The following CSMD1 variants were observed in gnomAD, a reference collection of about 807,000 sequenced individuals.
CSMD1 encodes CUB and Sushi multiple domains 1, also known as CUB and sushi domain-containing protein 1.
In CSMD1, 213 loss-of-function variants were observed where a neutral mutation model predicts 417.5. That is an observed-to-expected ratio of 0.51 (90% CI 0.46 to 0.57). The LOEUF (loss-of-function observed/expected upper bound fraction) is 0.57. Ranked by LOEUF, CSMD1 falls within the 20% of genes least tolerant of loss-of-function variation. CSMD1 has a pLI of 0.00. For missense variants in CSMD1, 6,923 were observed against 4,529.7 expected (o/e 1.53, Z -15.17); for synonymous variants, 2,862 against 1,736.8 (o/e 1.65, Z -16.11).
chr8:3,522,890 C>T (rs1334647094), intron 10 of CSMD1, among the ~76,000 whole-genome samples: 1 of 149,328 alleles, frequency 6.7e-6, no homozygotes, highest in African/African-American at 2.5e-5. Context: ...TATTACCTTT[C>T]AATATATTTA....
At chr8:3,697,262 T>C (rs761250382) in intron 7 of CSMD1, among the ~76,000 whole-genome samples, 102 of 152,332 alleles carry the variant, frequency 6.7e-4, no homozygotes, top group Middle Eastern at 6.8e-3. Flanking sequence ...TGTAATTCTG[T>C]AAGCACTCTA....
chr8:3,689,307 C>G (rs1800112238), intron 7 of CSMD1, among the ~76,000 whole-genome samples: 1 of 152,164 alleles, frequency 6.6e-6, no homozygotes, highest in African/African-American at 2.4e-5. Context: ...TTGGACTAAG[C>G]CATCTCCAGA....
intron 5 of CSMD1, among the ~76,000 whole-genome samples, chr8:3,851,995 G>C (rs1182118281): frequency 6.6e-6 from 1 of 152,152 alleles, no homozygotes; most frequent in Non-Finnish European, 1.5e-5. Flanking sequence ...TGAGAGCATG[G>C]AGGGGCTGCA....
At chr8:3,619,059 C>T (rs1313822348) in intron 7 of CSMD1, among the ~76,000 whole-genome samples, 1 of 151,888 alleles carries the variant, frequency 6.6e-6, no homozygotes, top group African/African-American at 2.4e-5. Flanking sequence ...AGCAAGATTG[C>T]AAACCCATGG....
intron 3 of CSMD1, among the ~76,000 whole-genome samples, chr8:4,194,989 T>C (rs1322159816): frequency 1.3e-5 from 2 of 151,808 alleles, no homozygotes; most frequent in African/African-American, 2.4e-5. Context: ...CTTTCTTTCA[T>C]CTGGGAATTT....
At position 3,702,457 on chromosome 8, in the gene CSMD1, G is replaced by C. The variant is rs74644247; in HGVS notation, c.1009+5957C>G. Among the ~76,000 whole-genome samples, 1,086 of 152,302 alleles carry C rather than the reference G, an allele frequency of 7.1e-3. 33 individuals are homozygous for C. In the East Asian group the frequency reaches 0.11, roughly 15 times the overall value. ...TCTACTTTAGTAATCCTCACATTGA[G>C]AGCTGCTAAAACTGGTTTCTGCCAA... On this transcript the variant is annotated intron_variant, in intron 7 of 69. Coordinates refer to ENST00000635120, the MANE Select transcript of CSMD1 (RefSeq NM_033225.6).
intron 14 of CSMD1, among the ~76,000 whole-genome samples, chr8:3,407,609 G>C (rs897468054): frequency 6.6e-6 from 1 of 152,112 alleles, no homozygotes; most frequent in Non-Finnish European, 1.5e-5. Context: ...ATGGATGAAT[G>C]GATGGATGGA....
intron 3 of CSMD1, among the ~76,000 whole-genome samples, chr8:4,115,179 C>T (rs773523110): frequency 1.3e-5 from 2 of 152,164 alleles, no homozygotes; most frequent in Non-Finnish European, 2.9e-5. Flanking sequence ...TCACAGCTAC[C>T]CCAGCCTTCA....
chr8:4,481,531 G>C (rs1224130633), intron 2 of CSMD1, among the ~76,000 whole-genome samples: 1 of 152,130 alleles, frequency 6.6e-6, no homozygotes, highest in Non-Finnish European at 1.5e-5. Flanking sequence ...TAAAGATAGA[G>C]AAGGAATTAA....
At chr8:3,625,046 A>T (rs1333807791) in intron 7 of CSMD1, among the ~76,000 whole-genome samples, 1 of 151,316 alleles carries the variant, frequency 6.6e-6, no homozygotes, top group Non-Finnish European at 1.5e-5. Context: ...ACAGCATCCT[A>T]CGAGACATTT....
rs528407977 is a variant in CSMD1, at chr8:3,189,887, G to A, written c.5398+25C>T. The stretch of plus-strand genomic sequence containing the variant: ...TGGCACCACCACAGAGTTCTGGCGG[G>A]CAGCCGCTTAGGGACACTGCTCACC... On this transcript the variant is annotated intron_variant, in intron 34 of 69. Transcript: ENST00000635120. The A allele has an allele frequency of 4.5e-6, 7 of 1,546,602 alleles. No individual in the cohort carries two copies. In the African/African-American group the frequency reaches 5.5e-5, roughly 12 times the overall value.
chr8:3,889,613 T>C (rs1324043523), intron 5 of CSMD1, among the ~76,000 whole-genome samples: 1 of 150,626 alleles, frequency 6.6e-6, no homozygotes, highest in Non-Finnish European at 1.5e-5. Flanking sequence ...ATAAGTTCAC[T>C]CAGCTGACAG....
intron 1 of CSMD1, among the ~76,000 whole-genome samples, chr8:4,937,630 G>A (rs74512994): frequency 2.0e-5 from 3 of 152,170 alleles, no homozygotes; most frequent in Non-Finnish European, 2.9e-5. Flanking sequence ...GTATCTGACG[G>A]AGGCATCAAA....
chr8:3,322,126 A>G (rs1357569713), intron 23 of CSMD1, among the ~76,000 whole-genome samples: 3 of 152,210 alleles, frequency 2.0e-5, no homozygotes, highest in Admixed American at 6.5e-5. Flanking sequence ...AATACCAAAT[A>G]CTGTTATTTT....
intron 3 of CSMD1, among the ~76,000 whole-genome samples, chr8:4,285,713 C>T (rs1012816699): frequency 2.0e-5 from 3 of 152,242 alleles, no homozygotes; most frequent in Non-Finnish European, 4.4e-5. Flanking sequence ...GTAAAACAGT[C>T]AGGGCCACAG....
chr8:4,131,671 G>A (rs1803112312), intron 3 of CSMD1, among the ~76,000 whole-genome samples: 1 of 150,210 alleles, frequency 6.7e-6, no homozygotes, highest in Admixed American at 6.7e-5. Flanking sequence ...ATGTTAGATA[G>A]ACTTCATTTA....
intron 9 of CSMD1, 78 bp downstream of exon 9, chr8:3,586,058 G>A (rs1020489610): frequency 7.0e-7 from 1 of 1,432,460 alleles, no homozygotes; most frequent in Non-Finnish European, 9.5e-7. Context: ...AATGCTTCAT[G>A]CTTAAATTGT....
At chr8:4,228,150 G>A (rs971041477) in intron 3 of CSMD1, among the ~76,000 whole-genome samples, 4 of 151,738 alleles carry the variant, frequency 2.6e-5, no homozygotes, top group African/African-American at 4.8e-5. Context: ...TGCATTAAAT[G>A]CCACAGAAGG....
chr8:4,262,464 C>T (rs1294484841), intron 3 of CSMD1, among the ~76,000 whole-genome samples: 1 of 152,174 alleles, frequency 6.6e-6, no homozygotes, highest in African/African-American at 2.4e-5. Flanking sequence ...CAGGCAAAGA[C>T]AGATATTATA....
Sources: allele counts gnomAD v4.1 joint callset (sites outside exome capture counted in the v4.1 genomes callset), GRCh38; gene constraint gnomAD v4.1.1; transcripts MANE v1.5; gene names NCBI Gene and HGNC (gene_info 2026-07-23, HGNC 2026-07-21).